Variants in HTT observed in about 807,000 individuals in gnomAD.
HTT encodes huntington disease protein.
A neutral mutation model predicts 362.3 loss-of-function variants in HTT; 104 were observed. The observed-to-expected ratio is 0.29, with a 90% CI of 0.24 to 0.34. The LOEUF (loss-of-function observed/expected upper bound fraction) is 0.34. HTT is among the 10% of genes least tolerant of loss of function. HTT has a pLI of 1.00. For missense variants in HTT, 3,301 were observed against 3,928.6 expected, an observed-to-expected ratio of 0.84 and a Z score of 4.27; for synonymous variants, 1,577 against 1,548.7, an observed-to-expected ratio of 1.02 and a Z score of -0.43.
chr4:3,232,865 C>T (rs933432573), intron 60 of HTT, among the ~76,000 whole-genome samples: 2 of 152,220 alleles, frequency 1.3e-5, no homozygotes, highest in African/African-American at 4.8e-5. Context: ...GCACCCTCTG[C>T]CTGCCTCGTG....
At position 3,135,889 on chromosome 4, in the gene HTT, G is replaced by A. The variant is rs777196321; in HGVS notation, c.2634-15G>A. The A allele has an allele frequency of 1.3e-6, 2 of 1,588,940 alleles. No homozygotes were observed. Among genetic ancestry groups the A allele is most frequent in the South Asian group, 1.2e-5 (1 of 86,436 alleles). On this transcript the variant is annotated splice_polypyrimidine_tract_variant and intron_variant, in intron 19 of 66. Transcript: ENST00000355072. The stretch of plus-strand genomic sequence containing the variant: ...TAACTAAATGATTTCATTGTTAAAT[G>A]TGCTCTTTTGTTAGGCTGGTGAGCT...
intron 2 of HTT, among the ~76,000 whole-genome samples, chr4:3,096,432 T>G (rs1032510832): frequency 6.6e-6 from 1 of 152,218 alleles, no homozygotes; most frequent in African/African-American, 2.4e-5. Flanking sequence ...TCTCAAGTGC[T>G]CACAGAATGT....
intron 1 of HTT, among the ~76,000 whole-genome samples, chr4:3,081,077 C>T (rs1024205920): frequency 1.3e-5 from 2 of 152,204 alleles, no homozygotes; most frequent in African/African-American, 4.8e-5. Context: ...GGGTCCCTTG[C>T]ATTTCCGTAC....
intron 44 of HTT, 111 bp from the exon 45 acceptor site, chr4:3,207,170 C>G: frequency 9.1e-7 from 1 of 1,095,454 alleles, no homozygotes; most frequent in Non-Finnish European, 1.4e-6. Context: ...TTTTTCTAGT[C>G]TGCCCTTACT....
At chr4:3,186,218 A>G (rs1289553289) in intron 37 of HTT, among the ~76,000 whole-genome samples, 2 of 152,110 alleles carry the variant, frequency 1.3e-5, no homozygotes, top group Non-Finnish European at 2.9e-5. Flanking sequence ...AAAAGTGCAC[A>G]CCATCCCATG....
In HTT at chr4:3,228,443, C is replaced by T. The variant is rs1721027570; in HGVS notation, c.7849-172C>T. Among the ~76,000 whole-genome samples the T allele has an allele frequency of 6.6e-6, 1 of 152,210 alleles. No individual in the cohort carries two copies. The highest frequency in any genetic ancestry group is 6.5e-5 in the Admixed American group (1 of 15,288). On this transcript the variant is annotated intron_variant, in intron 57 of 66. Transcript: ENST00000355072. This position sits in a 1 kb window ranked among gnomAD's most constrained non-coding sequence, Gnocchi z 4.3. ...CTTCCCAGCAGCTGTCCAGCCCCTG[C>T]CCCACCCTCTCTGTGGGCTCCCTTG...
At chr4:3,158,777 T>C (rs1333981353) in intron 28 of HTT, among the ~76,000 whole-genome samples, 3 of 152,124 alleles carry the variant, frequency 2.0e-5, no homozygotes, top group Non-Finnish European at 4.4e-5. Flanking sequence ...ATGGTTCTCA[T>C]GTCAGCTCCC....
In HTT at chr4:3,180,524, C is replaced by G; in HGVS notation, c.4622C>G (p.Ala1541Gly). The G allele has an allele frequency of 6.2e-7, 1 of 1,603,654 alleles. No individual in the cohort carries two copies. Among genetic ancestry groups the G allele is most frequent in the Non-Finnish European group, 8.5e-7 (1 of 1,175,242 alleles). The change falls in exon 36 of 67, where the codon GCT (alanine) becomes GGT (glycine). Residue 1541 changes from alanine (A) to glycine (G), a missense_variant. Physicochemically the swap from Ala to Gly is moderately conservative, Grantham distance 60. This residue lies in a region of HTT where 2,316 missense variants were observed against 2,658.5 expected (regional missense o/e 0.87). Transcript: ENST00000355072. ...GRKAVTHAIP[A>G]LQPIVHDLFV... ...CCTTTTGTCCCCACAGCCATACCGG[C>G]TCTGCAGCCCATAGTCCACGACCTC...
In HTT at chr4:3,240,158, A is replaced by C. The variant is rs951182294; in HGVS notation, c.*99A>C. ...CCTCCACCGAGCCAGCTTGGTCCCT[A>C]TGGGCTTCCGCACATGCCGCGGGCG... On this transcript the variant is annotated 3_prime_UTR_variant, in exon 67 of 67. Transcript: ENST00000355072. The C allele has an allele frequency of 4.9e-6, 5 of 1,021,586 alleles. No individual in the cohort carries two copies. The highest frequency in any genetic ancestry group is 7.3e-6 in the Non-Finnish European group (5 of 688,798). 63.3% of individuals were successfully genotyped at this position (1,021,586 alleles called of 1,614,324 possible). A position where few individuals can be genotyped will look rare whatever the true frequency, so the allele number is the denominator to read the frequency against.
rs748698687 is a variant in HTT at position 3,235,796 on chromosome 4, G to A, written c.8785+18G>A. 1.3e-6 allele frequency: 2 copies of A among 1,578,806 alleles called. No homozygotes were observed. The highest frequency in any genetic ancestry group is 1.7e-6 in the Non-Finnish European group (2 of 1,160,736). ...GTACACAGGTGAGCATGTACACGGTGCCCATAAGGCCAGCCCAAGTCCTGT... is the reference window on the plus strand; with the variant it reads ...GTACACAGGTGAGCATGTACACGGTACCCATAAGGCCAGCCCAAGTCCTGT... On this transcript the variant is annotated intron_variant, in intron 63 of 66. Transcript: ENST00000355072.
At position 3,083,333 on chromosome 4, in the gene HTT, A is replaced by G. The variant is rs187051785; in HGVS notation, c.264-3606A>G. 4.5e-4 allele frequency among the ~76,000 whole-genome samples: 68 copies of G among 152,212 alleles called. 1 individual carries two copies. The highest frequency in any genetic ancestry group is 3.7e-4 in the Non-Finnish European group (25 of 68,004). The stretch of plus-strand genomic sequence containing the variant: ...GCCAGACGACCAGCATAGCCAACAT[A>G]GCAGCACCTATAAGGTCTCTACAAA... On this transcript the variant is annotated intron_variant, in intron 1 of 66. Transcript: ENST00000355072.
At chr4:3,132,512 A>C in intron 16 of HTT, 50 bp from the exon 17 acceptor site, 1 of 1,506,152 alleles carries the variant, frequency 6.6e-7, no homozygotes, top group Non-Finnish European at 9.2e-7. Flanking sequence ...TTCGAGTTAG[A>C]AAGTTGATAG....
chr4:3,155,728 CAAA>C (rs774283812), intron 27 of HTT, among the ~76,000 whole-genome samples: 3 of 49,648 alleles, frequency 6.0e-5, no homozygotes, highest in African/African-American at 2.1e-4. Context: ...AAAAATACCA[CAAA>C]AAAAAAAAAA....
intron 37 of HTT, 43 bp from the exon 38 acceptor site, chr4:3,186,552 TTC>T: frequency 6.5e-7 from 1 of 1,536,214 alleles, no homozygotes. Context: ...AAGCTGTCGT[TTC>T]TTTTGGCTTA....
chr4:3,233,385 G>C, intron 61 of HTT, 32 bp downstream of exon 61: 1 of 1,573,460 alleles, frequency 6.4e-7, no homozygotes, highest in Non-Finnish European at 8.7e-7. Flanking sequence ...GCTGGGGCGG[G>C]GGTCTCAGAA....
rs760147952 is a variant in HTT, at chr4:3,217,715, A to G, written c.7055-50A>G. 7.0e-5 allele frequency: 103 copies of G among 1,481,734 alleles called. No homozygotes were observed. In the East Asian group the frequency reaches 2.3e-3, roughly 33 times the overall value. 91.8% of individuals were successfully genotyped at this position (1,481,734 alleles called of 1,614,324 possible). ...GTAGGTCATGCTTTCTACACTGGGC[A>G]TATAGGATGTGTTTTTTAAAAAGTC... On this transcript the variant is annotated intron_variant, in intron 51 of 66. Transcript: ENST00000355072.
chr4:3,172,071 G>A (rs1718008133), intron 29 of HTT, among the ~76,000 whole-genome samples: 1 of 152,166 alleles, frequency 6.6e-6, no homozygotes, highest in Non-Finnish European at 1.5e-5. Context: ...CTTGATAACA[G>A]TTTATTGAAT....
rs1469631773 is a variant in HTT, at chr4:3,206,192, G to A, written c.5719-304G>A. On this transcript the variant is annotated intron_variant, in intron 42 of 66. Transcript: ENST00000355072. This position sits in a 1 kb window ranked among gnomAD's most constrained non-coding sequence, Gnocchi z 4.6. ...CTACCTGCGGATCTCGCTGAGGCCT[G>A]CCTTTGTCCTTTGACCCTTGGCCAT... Among the ~76,000 whole-genome samples, 1 of 152,256 alleles carries A rather than the reference G, an allele frequency of 6.6e-6. No individual in the cohort carries two copies. Among genetic ancestry groups the A allele is most frequent in the East Asian group, 1.9e-4 (1 of 5,204 alleles).
intron 27 of HTT, among the ~76,000 whole-genome samples, chr4:3,156,566 CCAAGT>C (rs1717159011): frequency 6.6e-6 from 1 of 152,212 alleles, no homozygotes; most frequent in Non-Finnish European, 1.5e-5. Context: ...ACTAAGGACT[CCAAGT>C]CAAAAGTCTT....
Sources: allele counts gnomAD v4.1 joint callset (sites outside exome capture counted in the v4.1 genomes callset), GRCh38; gene constraint gnomAD v4.1.1; regional missense constraint gnomAD v4.1.1; non-coding constraint Gnocchi (gnomAD v3.1); transcripts MANE v1.5; gene names NCBI Gene and HGNC (gene_info 2026-07-23, HGNC 2026-07-21).